Variants in DCC observed in about 807,000 individuals in gnomAD.
DCC encodes the protein netrin receptor DCC.
Under a neutral mutation model 172.5 loss-of-function variants are expected in DCC, and 58 were observed. The ratio of observed to expected loss-of-function variants is 0.34; its 90% CI spans 0.27 to 0.42. The LOEUF (loss-of-function observed/expected upper bound fraction) is 0.42, where lower values mean the gene tolerates loss of function less well. Among genes scored for constraint, DCC ranks in the 10% least tolerant of loss-of-function variants. The pLI is 1.00. For missense variants in DCC, 1,740 were observed against 1,791.0 expected, an observed-to-expected ratio of 0.97 and a Z score of 0.51; for synonymous variants, 709 against 644.5, an observed-to-expected ratio of 1.10 and a Z score of -1.52.
intron 11 of DCC, among the ~76,000 whole-genome samples, chr18:53,212,311 A>G (rs1415362551): frequency 6.6e-6 from 1 of 152,156 alleles, no homozygotes; most frequent in Non-Finnish European, 1.5e-5. Flanking sequence ...TTGAAGAGAA[A>G]AGTGTTCTTT....
At chr18:52,792,880 A>G (rs553903900) in intron 2 of DCC, among the ~76,000 whole-genome samples, 1 of 128,660 alleles carries the variant, frequency 7.8e-6, no homozygotes, top group Non-Finnish European at 1.7e-5. Context: ...ATTCCAATTA[A>G]AGGACAGATT....
intron 26 of DCC, among the ~76,000 whole-genome samples, chr18:53,487,168 C>G (rs1340222007): frequency 6.6e-6 from 1 of 152,168 alleles, no homozygotes; most frequent in Non-Finnish European, 1.5e-5. Context: ...GCACACTCCA[C>G]TGACAATACA....
chr18:52,455,317 A>T (rs1988425862), intron 1 of DCC, among the ~76,000 whole-genome samples: 2 of 152,098 alleles, frequency 1.3e-5, no homozygotes, highest in Non-Finnish European at 2.9e-5. Context: ...CAAGTCTTTT[A>T]TTTACATCAT....
chr18:53,163,642 A>G (rs1418145357), intron 8 of DCC, among the ~76,000 whole-genome samples: 2 of 152,218 alleles, frequency 1.3e-5, no homozygotes, highest in African/African-American at 2.4e-5. Context: ...AAATCTTTTT[A>G]TCCAACCCCT....
intron 19 of DCC, among the ~76,000 whole-genome samples, chr18:53,404,517 G>T (rs1325229972): frequency 6.6e-6 from 1 of 151,972 alleles, no homozygotes; most frequent in Non-Finnish European, 1.5e-5. Flanking sequence ...AGATTACGAG[G>T]TCAGGAGATC....
intron 12 of DCC, among the ~76,000 whole-genome samples, chr18:53,246,440 G>A (rs1387032371): frequency 6.6e-6 from 1 of 151,666 alleles, no homozygotes; most frequent in East Asian, 1.9e-4. Flanking sequence ...TCTGAGAAAG[G>A]GTCAGGCAAC....
intron 17 of DCC, among the ~76,000 whole-genome samples, chr18:53,395,003 G>C (rs1908826985): frequency 6.6e-6 from 1 of 151,546 alleles, no homozygotes; most frequent in Non-Finnish European, 1.5e-5. Context: ...AATTAGCTGG[G>C]CGTGGTGGGG....
At chr18:53,195,714 C>T (rs952618935) in intron 9 of DCC, among the ~76,000 whole-genome samples, 28 of 152,216 alleles carry the variant, frequency 1.8e-4, no homozygotes, top group Middle Eastern at 3.4e-3. Context: ...CGGATTCATC[C>T]TTCATTCATC....
At chr18:53,032,786 C>A (rs1599048411) in intron 5 of DCC, among the ~76,000 whole-genome samples, 2 of 152,092 alleles carry the variant, frequency 1.3e-5, no homozygotes, top group South Asian at 4.2e-4. Flanking sequence ...GAGTTTGGAG[C>A]CCTGTAGCTG....
chr18:52,999,057 A>T (rs945787808), intron 5 of DCC, among the ~76,000 whole-genome samples: 2 of 152,120 alleles, frequency 1.3e-5, no homozygotes, highest in African/African-American at 2.4e-5. Context: ...CTATGGACAC[A>T]GTGAGTATTC....
At chr18:53,080,775 A>T (rs928443206) in intron 7 of DCC, among the ~76,000 whole-genome samples, 1 of 152,110 alleles carries the variant, frequency 6.6e-6, no homozygotes, top group Non-Finnish European at 1.5e-5. Flanking sequence ...ATTTGAATTG[A>T]AAAGGAGCTT....
chr18:52,883,163 C>G (rs1025880991), intron 2 of DCC, among the ~76,000 whole-genome samples: 1 of 151,768 alleles, frequency 6.6e-6, no homozygotes, highest in Non-Finnish European at 1.5e-5. Flanking sequence ...AGATGTGGTT[C>G]TTGTGGGCAA....
chr18:52,856,625 C>CAAAAAAAAAAAAAAAAAAAAAAAA (rs11426617), intron 2 of DCC, among the ~76,000 whole-genome samples: 2 of 83,006 alleles, frequency 2.4e-5, no homozygotes, highest in Non-Finnish European at 4.2e-5. Flanking sequence ...GACTCCATCT[C>CAAAAAAAAAAAAAAAAAAAAAAAA]AAAAAAAAAA....
chr18:52,502,177 G>A (rs570385988), intron 1 of DCC, among the ~76,000 whole-genome samples: 1 of 152,130 alleles, frequency 6.6e-6, no homozygotes, highest in East Asian at 1.9e-4. Flanking sequence ...ATATTCCAAT[G>A]GATAACTTGG....
Position 53,499,300 on chromosome 18 carries a change from G to A in DCC, c.3901G>A (p.Val1301Met), listed in dbSNP as rs1406073994. The change falls in exon 27 of 29, where the codon GTG (valine) becomes ATG (methionine). Residue 1301 changes from valine (V) to methionine (M), a missense_variant and splice_region_variant. This residue lies in a region of DCC where 1,732 missense variants were observed against 1,767.4 expected (regional missense o/e 0.98). Coordinates refer to ENST00000442544, the MANE Select transcript of DCC (RefSeq NM_005215.4). Reference sequence around the variant, plus strand: ...GACTTTTCTTGTCTCCACTGCAGCAGTGAGTGAAGGACCAACTACCCAACA... The same window carrying A: ...GACTTTTCTTGTCTCCACTGCAGCAATGAGTGAAGGACCAACTACCCAACA... Reference protein sequence around the residue: ...RGFGAGRSQSVSEGPTTQQPP... With the variant: ...RGFGAGRSQSMSEGPTTQQPP... The A allele has an allele frequency of 6.2e-7, 1 of 1,613,902 alleles. No individual in the cohort carries two copies. The highest frequency in any genetic ancestry group is 8.5e-7 in the Non-Finnish European group (1 of 1,179,992).
At chr18:53,051,636 T>C (rs1191107640) in intron 5 of DCC, among the ~76,000 whole-genome samples, 1 of 152,142 alleles carries the variant, frequency 6.6e-6, no homozygotes, top group Non-Finnish European at 1.5e-5. Context: ...ATAATATTCT[T>C]GGGTAACATT....
intron 1 of DCC, among the ~76,000 whole-genome samples, chr18:52,413,598 G>GTTA (rs34276868): frequency 6.6e-6 from 1 of 151,464 alleles, no homozygotes; most frequent in Non-Finnish European, 1.5e-5. Flanking sequence ...TGTTCTGATA[G>GTTA]TTATTATTTT....
At chr18:53,463,031 C>A (rs372149392) in intron 24 of DCC, among the ~76,000 whole-genome samples, 1 of 152,236 alleles carries the variant, frequency 6.6e-6, no homozygotes, top group East Asian at 1.9e-4. Context: ...CAGGCTTTCG[C>A]CTGGGGAGTG....
At chr18:53,113,170 G>A (rs8088927) in intron 7 of DCC, among the ~76,000 whole-genome samples, 78,068 of 151,160 alleles carry the variant, frequency 0.52, 20,768 homozygotes, top group African/African-American at 0.59. Flanking sequence ...CAATGTAAAA[G>A]AGAAGGTTAA....
Sources: gnomAD v4.1 joint callset for allele counts (sites outside exome capture counted in the v4.1 genomes callset) on GRCh38, gnomAD v4.1.1 for gene constraint, gnomAD v4.1.1 regional missense constraint, MANE v1.5 for transcripts, NCBI Gene and HGNC (gene_info 2026-07-23, HGNC 2026-07-21) for gene names.